The following SV2C variants were observed in gnomAD, a reference collection of about 807,000 sequenced individuals.
SV2C encodes synaptic vesicle glycoprotein 2C.
Under a neutral mutation model 79.7 loss-of-function variants are expected in SV2C, and 49 were observed. The observed-to-expected ratio is 0.61, with a 90% CI of 0.49 to 0.78. The LOEUF (loss-of-function observed/expected upper bound fraction) is 0.78. SV2C is among the 30% of genes least tolerant of loss of function. The pLI is 0.00. For synonymous variants in SV2C, 334 were observed against 333.2 expected (o/e 1.00, Z -0.03); for missense variants, 833 against 912.9 (o/e 0.91, Z 1.13).
intron 4 of SV2C, among the ~76,000 whole-genome samples, chr5:76,238,192 C>T (rs1399665605): frequency 1.3e-5 from 2 of 152,060 alleles, no homozygotes; most frequent in Non-Finnish European, 2.9e-5. Flanking sequence ...TTATCCATCC[C>T]TTTGTCTTTT....
the SV2C span, among the ~76,000 whole-genome samples, chr5:75,900,035 C>A: frequency 1.1e-4 from 16 of 152,044 alleles, no homozygotes; most frequent in Non-Finnish European, 1.9e-4. Flanking sequence ...GCCAGTCTGT[C>A]TTTTAATTGG....
chr5:76,248,824 G>A (rs747958154), intron 4 of SV2C, among the ~76,000 whole-genome samples: 6 of 152,060 alleles, frequency 3.9e-5, no homozygotes, highest in Non-Finnish European at 8.8e-5. Context: ...TCACCATGTT[G>A]GCCAAGCTGG....
intron 12 of SV2C, among the ~76,000 whole-genome samples, chr5:76,343,375 T>C (rs1749479318): frequency 6.6e-6 from 1 of 152,008 alleles, no homozygotes; most frequent in Non-Finnish European, 1.5e-5. Context: ...AAAAAAGACA[T>C]GCAACCAAAT....
chr5:76,066,664 T>C, the SV2C span, among the ~76,000 whole-genome samples: 77,784 of 151,778 alleles, frequency 0.51, 20,737 homozygotes, highest in East Asian at 0.72. Context: ...TCTTCATATG[T>C]TCCTCCCTGT....
chr5:76,167,795 C>G (rs1743089220), intron 2 of SV2C, among the ~76,000 whole-genome samples: 1 of 152,172 alleles, frequency 6.6e-6, no homozygotes, highest in African/African-American at 2.4e-5. Flanking sequence ...GAACCCGAAT[C>G]CAAATCTTTA....
chr5:76,028,939 G>A, the SV2C span, among the ~76,000 whole-genome samples: 1 of 152,180 alleles, frequency 6.6e-6, no homozygotes, highest in South Asian at 2.1e-4. Context: ...ACCTTGAGCT[G>A]CCAGAGAACA....
At chr5:76,035,744 T>C in the SV2C span, among the ~76,000 whole-genome samples, 14 of 152,196 alleles carry the variant, frequency 9.2e-5, no homozygotes, top group African/African-American at 3.4e-4. Flanking sequence ...TGGAGAGTTC[T>C]GTAGATGTCT....
At chr5:76,119,967 A>G (rs1748425236) in intron 1 of SV2C, among the ~76,000 whole-genome samples, 2 of 152,202 alleles carry the variant, frequency 1.3e-5, no homozygotes, top group Admixed American at 6.5e-5. Context: ...CTACAAGCAC[A>G]GTAAGGTATT....
At chr5:76,027,944 G>T in the SV2C span, among the ~76,000 whole-genome samples, 14,214 of 152,204 alleles carry the variant, frequency 0.093, 2,158 homozygotes, top group African/African-American at 0.32. Context: ...TCTCCTCTCA[G>T]GTAGTTTCTT....
the SV2C span, chr5:75,910,161 G>A: frequency 3.1e-6 from 1 of 320,058 alleles, no homozygotes; most frequent in Non-Finnish European, 6.1e-6. Context: ...TTGTCACCAG[G>A]TGCAGTGGTT....
intron 4 of SV2C, among the ~76,000 whole-genome samples, chr5:76,263,856 C>T (rs1746560483): frequency 1.3e-5 from 2 of 152,152 alleles, no homozygotes; most frequent in Admixed American, 1.3e-4. Flanking sequence ...CTGCCCTTAA[C>T]ATTTTTTCCT....
intron 4 of SV2C, among the ~76,000 whole-genome samples, chr5:76,233,540 A>G (rs931097924): frequency 6.9e-6 from 1 of 145,854 alleles, no homozygotes; most frequent in Non-Finnish European, 1.5e-5. Flanking sequence ...GAATGCTTCC[A>G]GTTTTTGCCC....
chr5:76,190,786 G>A (rs1040593476), intron 2 of SV2C, among the ~76,000 whole-genome samples: 7 of 152,160 alleles, frequency 4.6e-5, no homozygotes, highest in Admixed American at 4.6e-4. Context: ...CTAAAAAAAT[G>A]AAGCATTATT....
chr5:76,309,574 T>C (rs1364908584), intron 12 of SV2C, among the ~76,000 whole-genome samples: 1 of 115,714 alleles, frequency 8.6e-6, no homozygotes, highest in Non-Finnish European at 1.6e-5. Flanking sequence ...TGCTCCAGCC[T>C]GGGCGACAGA....
At chr5:76,140,155 A>G (rs1326636318) in intron 2 of SV2C, among the ~76,000 whole-genome samples, 1 of 152,182 alleles carries the variant, frequency 6.6e-6, no homozygotes, top group Non-Finnish European at 1.5e-5. Flanking sequence ...TCACTCAACC[A>G]AAATTTATTG....
rs149511843 is a variant in SV2C at position 76,124,928 on chromosome 5, T to C, written c.-101-6722T>C. 4.1e-3 allele frequency among the ~76,000 whole-genome samples: 626 copies of C among 152,326 alleles called. 9 individuals are homozygous for C. The highest frequency in any genetic ancestry group is 0.014 in the African/African-American group (597 of 41,570). On this transcript the variant is annotated intron_variant, in intron 1 of 12. Coordinates refer to ENST00000502798, the MANE Select transcript of SV2C (RefSeq NM_014979.4). ...CAAGTATTTCTTCAAAGAAGGATAG[T>C]GCCCACTTTGACTCACTTGAGGATA...
chr5:76,345,028 A>G (rs1749512726), intron 12 of SV2C, among the ~76,000 whole-genome samples: 1 of 152,232 alleles, frequency 6.6e-6, no homozygotes, highest in Admixed American at 6.5e-5. Context: ...TTGCATATTC[A>G]GGACTAACCC....
chr5:76,010,565 C>T, the SV2C span, among the ~76,000 whole-genome samples: 10 of 151,772 alleles, frequency 6.6e-5, no homozygotes, highest in African/African-American at 1.9e-4. Context: ...TGTAATGTGC[C>T]GATCAACTTT....
intron 4 of SV2C, among the ~76,000 whole-genome samples, chr5:76,272,232 T>C (rs1746894170): frequency 6.6e-6 from 1 of 152,192 alleles, no homozygotes. Flanking sequence ...GGAAATATTA[T>C]AGCCCGCTCT....
Sources: gnomAD v4.1 joint callset for allele counts (sites outside exome capture counted in the v4.1 genomes callset) on GRCh38, gnomAD v4.1.1 for gene constraint, MANE v1.5 for transcripts, NCBI Gene and HGNC (gene_info 2026-07-23, HGNC 2026-07-21) for gene names.